The following TRPC4 variants were observed in gnomAD, a reference collection of about 807,000 sequenced individuals.
The protein encoded by TRPC4 is short transient receptor potential channel 4.
In TRPC4, 49 loss-of-function variants were observed where a neutral mutation model predicts 99.4. The observed-to-expected ratio is 0.49, with a 90% CI of 0.39 to 0.63. The LOEUF (loss-of-function observed/expected upper bound fraction) is 0.63. Ranked by LOEUF, TRPC4 falls within the 20% of genes least tolerant of loss-of-function variation. The pLI, the probability that TRPC4 is intolerant of heterozygous loss-of-function variation, is 0.00. For missense variants in TRPC4, 898 were observed against 1,152.9 expected, an observed-to-expected ratio of 0.78 and a Z score of 3.20; for synonymous variants, 454 against 425.9, an observed-to-expected ratio of 1.07 and a Z score of -0.81.
At chr13:37,638,330 A>T (rs911590286) in intron 10 of TRPC4, among the ~76,000 whole-genome samples, 1 of 152,156 alleles carries the variant, frequency 6.6e-6, no homozygotes, top group African/African-American at 2.4e-5. Context: ...GCTTCTAGCT[A>T]GTTTTCCACC....
intron 1 of TRPC4, among the ~76,000 whole-genome samples, chr13:37,843,212 A>T (rs1958792955): frequency 6.6e-6 from 1 of 152,202 alleles, no homozygotes; most frequent in Non-Finnish European, 1.5e-5. Context: ...AGGAATGATG[A>T]TGTTTTATGA....
chr13:37,723,969 G>T (rs1374160587), intron 3 of TRPC4, among the ~76,000 whole-genome samples: 9 of 152,006 alleles, frequency 5.9e-5, no homozygotes, highest in Non-Finnish European at 1.3e-4. Context: ...GCTTATAAAT[G>T]CAAAGATTCT....
At chr13:37,660,717 T>A (rs955320414) in intron 6 of TRPC4, among the ~76,000 whole-genome samples, 3 of 152,218 alleles carry the variant, frequency 2.0e-5, no homozygotes, top group Non-Finnish European at 2.9e-5. Context: ...AGGTACTTTA[T>A]ATGAATTAGT....
At chr13:37,673,344 GA>G (rs1952928097) in intron 5 of TRPC4, among the ~76,000 whole-genome samples, 1 of 152,016 alleles carries the variant, frequency 6.6e-6, no homozygotes, top group Non-Finnish European at 1.5e-5. Flanking sequence ...GTTGCCCACA[GA>G]AGCAGAAGGC....
In TRPC4 at chr13:37,637,392, A is replaced by G; in HGVS notation, c.2445T>C (p.His815=). 1 of 1,612,652 alleles carries G rather than the reference A, an allele frequency of 6.2e-7. No homozygotes were observed. Among genetic ancestry groups the G allele is most frequent in the Non-Finnish European group, 8.5e-7 (1 of 1,179,692 alleles). ...PRSAAIASER[H]NISNGSALVV... Reference sequence around the variant, plus strand: ...CCAGGGCAGAGCCATTGCTTATGTTATGTCTTTCAGAGGCAATTGCTGCTG... The same window carrying G: ...CCAGGGCAGAGCCATTGCTTATGTTGTGTCTTTCAGAGGCAATTGCTGCTG... The change falls in exon 11 of 11, where the codon CAT becomes CAC. Residue 815 remains histidine, a synonymous_variant. Coordinates refer to ENST00000379705, the MANE Select transcript of TRPC4 (RefSeq NM_016179.4).
At chr13:37,672,585 T>C (rs1053015777) in intron 5 of TRPC4, among the ~76,000 whole-genome samples, 1 of 152,204 alleles carries the variant, frequency 6.6e-6, no homozygotes, top group African/African-American at 2.4e-5. Context: ...AATCCCAGAA[T>C]TTCATGACAG....
chr13:37,788,344 C>T (rs1957023736), intron 1 of TRPC4, among the ~76,000 whole-genome samples: 1 of 152,130 alleles, frequency 6.6e-6, no homozygotes, highest in Non-Finnish European at 1.5e-5. Flanking sequence ...TCTGTCCTAG[C>T]TCAGATTTTC....
intron 5 of TRPC4, among the ~76,000 whole-genome samples, chr13:37,668,872 C>G (rs1393147652): frequency 6.6e-6 from 1 of 151,900 alleles, no homozygotes; most frequent in Non-Finnish European, 1.5e-5. Context: ...AGTGAAAGAC[C>G]AAAAAGACCA....
intron 1 of TRPC4, among the ~76,000 whole-genome samples, chr13:37,862,875 C>T (rs1959474009): frequency 6.6e-6 from 1 of 151,210 alleles, no homozygotes; most frequent in Non-Finnish European, 1.5e-5. Flanking sequence ...CACAGTCACG[C>T]ATCACATAAC....
At chr13:37,784,192 CAGA>C (rs372129939) in intron 1 of TRPC4, among the ~76,000 whole-genome samples, 43 of 152,094 alleles carry the variant, frequency 2.8e-4, no homozygotes, top group African/African-American at 9.6e-4. Flanking sequence ...ATTCAATTTC[CAGA>C]AGAAGATTTG....
chr13:37,676,255 G>A (rs1447444720), intron 4 of TRPC4, among the ~76,000 whole-genome samples: 2 of 130,262 alleles, frequency 1.5e-5, no homozygotes, highest in African/African-American at 2.8e-5. Flanking sequence ...AAAAAATACC[G>A]AAAGCAGCCA....
chr13:37,801,615 C>A (rs1277735133), intron 1 of TRPC4, among the ~76,000 whole-genome samples: 1 of 152,084 alleles, frequency 6.6e-6, no homozygotes, highest in Non-Finnish European at 1.5e-5. Context: ...ATTTATTAAT[C>A]TATGAACACT....
intron 1 of TRPC4, among the ~76,000 whole-genome samples, chr13:37,803,445 T>A (rs551034080): frequency 6.6e-6 from 1 of 152,056 alleles, no homozygotes; most frequent in Non-Finnish European, 1.5e-5. Context: ...CACACACACA[T>A]CCTTACACAC....
intron 1 of TRPC4, among the ~76,000 whole-genome samples, chr13:37,816,225 T>C (rs1957850277): frequency 6.6e-6 from 1 of 151,798 alleles, no homozygotes; most frequent in Non-Finnish European, 1.5e-5. Flanking sequence ...GAGCTAACTA[T>C]CCTAAATAGT....
At chr13:37,858,444 G>A (rs992069967) in intron 1 of TRPC4, among the ~76,000 whole-genome samples, 39 of 149,068 alleles carry the variant, frequency 2.6e-4, no homozygotes, top group African/African-American at 7.9e-4. Context: ...AAAATAAAAC[G>A]TATCAGTATA....
chr13:37,791,939 A>AG (rs1957131946), intron 1 of TRPC4, among the ~76,000 whole-genome samples: 1 of 152,278 alleles, frequency 6.6e-6, no homozygotes, highest in Non-Finnish European at 1.5e-5. Flanking sequence ...GAAAAAGCGG[A>AG]AGAGATGAGT....
intron 1 of TRPC4, among the ~76,000 whole-genome samples, chr13:37,816,384 T>G (rs369144558): frequency 1.3e-5 from 2 of 151,964 alleles, no homozygotes; most frequent in East Asian, 1.9e-4. Context: ...CTGATTCAAG[T>G]GGACCTGATA....
At chr13:37,741,388 G>T (rs1029886015) in intron 3 of TRPC4, among the ~76,000 whole-genome samples, 2 of 152,110 alleles carry the variant, frequency 1.3e-5, no homozygotes, top group African/African-American at 4.8e-5. Context: ...AGTCGTCCTC[G>T]CCTTTATGTT....
chr13:37,668,748 T>C (rs1464260855), intron 5 of TRPC4, among the ~76,000 whole-genome samples: 1 of 152,190 alleles, frequency 6.6e-6, no homozygotes, highest in Non-Finnish European at 1.5e-5. Flanking sequence ...ATTAAATTAA[T>C]ATGAAATAAA....
Sources: allele counts gnomAD v4.1 joint callset (sites outside exome capture counted in the v4.1 genomes callset), GRCh38; gene constraint gnomAD v4.1.1; transcripts MANE v1.5; gene names NCBI Gene and HGNC (gene_info 2026-07-23, HGNC 2026-07-21).